Variants in PRKCA observed in about 807,000 individuals in gnomAD.
The protein encoded by PRKCA is protein kinase C alpha.
PRKCA carries 27 observed loss-of-function variants against 87.0 expected under a neutral mutation model. The observed-to-expected ratio is 0.31, with a 90% confidence interval of 0.23 to 0.43. The LOEUF (loss-of-function observed/expected upper bound fraction) is 0.43. Ranked by LOEUF, PRKCA falls within the 20% of genes least tolerant of loss-of-function variation. The pLI, the probability that PRKCA is intolerant of heterozygous loss-of-function variation, is 1.00. For missense variants in PRKCA, 518 were observed against 852.3 expected, an observed-to-expected ratio of 0.61 and a Z score of 4.88; for synonymous variants, 329 against 311.1, an observed-to-expected ratio of 1.06 and a Z score of -0.61.
At chr17:66,692,791 G>T (rs1328646669) in intron 8 of PRKCA, among the ~76,000 whole-genome samples, 1 of 151,974 alleles carries the variant, frequency 6.6e-6, no homozygotes, top group Non-Finnish European at 1.5e-5. Context: ...TAGATACTTT[G>T]CCACCCTCCA....
intron 8 of PRKCA, among the ~76,000 whole-genome samples, chr17:66,707,631 G>A (rs1238762350): frequency 6.6e-6 from 1 of 152,152 alleles, no homozygotes; most frequent in Admixed American, 6.5e-5. Context: ...TTTCTAACTG[G>A]TGGATGCTGC....
chr17:66,649,085 G>A (rs1398080057), intron 5 of PRKCA, among the ~76,000 whole-genome samples: 20 of 147,496 alleles, frequency 1.4e-4, no homozygotes, highest in Admixed American at 3.4e-4. Flanking sequence ...GCGACAGAGC[G>A]AGAGTCCATC....
chr17:66,697,321 C>T (rs1326376833), intron 8 of PRKCA, among the ~76,000 whole-genome samples: 1 of 152,210 alleles, frequency 6.6e-6, no homozygotes, highest in Non-Finnish European at 1.5e-5. Context: ...CATCATTCCC[C>T]TGTAGACGCA....
intron 5 of PRKCA, among the ~76,000 whole-genome samples, chr17:66,647,104 T>C (rs1971477183): frequency 1.2e-5 from 1 of 85,396 alleles, no homozygotes; most frequent in Non-Finnish European, 2.5e-5. Flanking sequence ...CAGAGGAAGA[T>C]GGTGTTCCTC....
At chr17:66,427,006 C>G (rs752648913) in intron 2 of PRKCA, among the ~76,000 whole-genome samples, 1 of 151,994 alleles carries the variant, frequency 6.6e-6, no homozygotes, top group Non-Finnish European at 1.5e-5. Context: ...AAACTATGGT[C>G]CATGAGACAC....
intron 5 of PRKCA, among the ~76,000 whole-genome samples, chr17:66,646,270 A>G (rs1418282611): frequency 6.6e-6 from 1 of 152,134 alleles, no homozygotes; most frequent in Non-Finnish European, 1.5e-5. Flanking sequence ...CTGCCACAAC[A>G]TGGCTTTTTC....
At chr17:66,566,801 G>C (rs1968917917) in intron 3 of PRKCA, among the ~76,000 whole-genome samples, 1 of 152,092 alleles carries the variant, frequency 6.6e-6, no homozygotes, top group Admixed American at 6.5e-5. Context: ...TGCCCCTACT[G>C]TTTGGTGTTT....
At chr17:66,424,206 C>T (rs947640342) in intron 2 of PRKCA, among the ~76,000 whole-genome samples, 7 of 152,096 alleles carry the variant, frequency 4.6e-5, no homozygotes, top group African/African-American at 1.4e-4. Context: ...CTGGATATTA[C>T]GCATGATGAT....
intron 2 of PRKCA, among the ~76,000 whole-genome samples, chr17:66,347,899 C>T (rs1329267861): frequency 7.1e-6 from 1 of 140,254 alleles, no homozygotes; most frequent in African/African-American, 2.6e-5. Flanking sequence ...GGAGTGTAGC[C>T]AAATGCTTTA....
At chr17:66,708,526 C>T (rs1338790647) in intron 8 of PRKCA, among the ~76,000 whole-genome samples, 1 of 152,166 alleles carries the variant, frequency 6.6e-6, no homozygotes, top group Non-Finnish European at 1.5e-5. Flanking sequence ...AGAATAACTA[C>T]CCAGTGGCTG....
rs952253977 is a variant in PRKCA at position 66,502,929 on chromosome 17, G to T, written c.288+6646G>T. 2.6e-5 allele frequency among the ~76,000 whole-genome samples: 4 copies of T among 152,326 alleles called. No homozygotes were observed. The South Asian group carries it at 8.3e-4, about 32-fold the overall frequency. ...CTGCCTTGGCCTCCCAAAGTGCTGG[G>T]ATTACAGGCATGAGCCACCGCGCCC... On this transcript the variant is annotated intron_variant, in intron 3 of 16. Coordinates refer to ENST00000413366, the MANE Select transcript of PRKCA (RefSeq NM_002737.3).
intron 2 of PRKCA, among the ~76,000 whole-genome samples, chr17:66,489,458 A>G (rs76847065): frequency 0.022 from 3,310 of 149,286 alleles, 116 homozygotes; most frequent in African/African-American, 0.077. Flanking sequence ...CCCATTTTGC[A>G]TATAGATTAA....
intron 2 of PRKCA, among the ~76,000 whole-genome samples, chr17:66,431,197 G>A (rs1180040130): frequency 6.6e-6 from 1 of 152,186 alleles, no homozygotes; most frequent in Non-Finnish European, 1.5e-5. Flanking sequence ...TGTATTTGAA[G>A]TTCCTTGGGC....
intron 3 of PRKCA, chr17:66,554,436 G>A (rs1968435750): frequency 1.9e-6 from 1 of 538,144 alleles, no homozygotes; most frequent in Non-Finnish European, 2.4e-6. Context: ...CACGTTTCTT[G>A]TTCCCATTGG....
At chr17:66,751,539 G>A (rs1052250105) in intron 13 of PRKCA, among the ~76,000 whole-genome samples, 1 of 152,218 alleles carries the variant, frequency 6.6e-6, no homozygotes, top group East Asian at 1.9e-4. Flanking sequence ...AAGCTCTTAC[G>A]ACACAAGTTA....
At chr17:66,633,828 C>T (rs917973100) in intron 3 of PRKCA, among the ~76,000 whole-genome samples, 3 of 152,202 alleles carry the variant, frequency 2.0e-5, no homozygotes, top group Admixed American at 1.3e-4. Flanking sequence ...TGCCTGCCTC[C>T]TGGTGTGAAG....
At position 66,461,310 on chromosome 17, in the gene PRKCA, G is replaced by T. The variant is rs188421820; in HGVS notation, c.206-34891G>T. 3.3e-5 allele frequency among the ~76,000 whole-genome samples: 5 copies of T among 151,650 alleles called. 1 individual carries two copies. The South Asian group carries it at 8.4e-4, about 25-fold the overall frequency. On this transcript the variant is annotated intron_variant, in intron 2 of 16. Coordinates refer to ENST00000413366, the MANE Select transcript of PRKCA (RefSeq NM_002737.3). ...CAAGTTGCTAACATGTTATCTGTAT[G>T]TAAAAAAACCTGTTCTTCTAACCAG... is the stretch of plus-strand genomic sequence containing the variant.
intron 2 of PRKCA, among the ~76,000 whole-genome samples, chr17:66,390,566 A>G (rs528323914): frequency 2.2e-4 from 33 of 152,242 alleles, no homozygotes; most frequent in African/African-American, 7.9e-4. Flanking sequence ...AATGGAGAGG[A>G]GATGCCATGA....
intron 3 of PRKCA, among the ~76,000 whole-genome samples, chr17:66,631,693 TAAG>T (rs1971017781): frequency 6.6e-6 from 1 of 152,102 alleles, no homozygotes; most frequent in African/African-American, 2.4e-5. Context: ...TAAAATAACT[TAAG>T]GAGCATAATT....
Sources: gnomAD v4.1 joint callset for allele counts (sites outside exome capture counted in the v4.1 genomes callset) on GRCh38, gnomAD v4.1.1 for gene constraint, MANE v1.5 for transcripts, NCBI Gene and HGNC (gene_info 2026-07-23, HGNC 2026-07-21) for gene names.